RIN2: variants seen among roughly 807,000 people sequenced by gnomAD.
RIN2 encodes Ras and Rab interactor 2.
A neutral mutation model predicts 78.0 loss-of-function variants in RIN2; 36 were observed. That is an observed-to-expected ratio of 0.46 (90% CI 0.35 to 0.61). RIN2 has a LOEUF of 0.61. Ranked by LOEUF, RIN2 falls within the 20% of genes least tolerant of loss-of-function variation. The pLI is 0.00. For missense variants in RIN2, 1,087 were observed against 1,159.7 expected (o/e 0.94, Z 0.91); for synonymous variants, 466 against 466.8 (o/e 1.00, Z 0.02).
Position 19,996,444 on chromosome 20 carries a change from T to C in RIN2, c.2201-235T>C, listed in dbSNP as rs375625898. On this transcript the variant is annotated intron_variant, in intron 11 of 12. Transcript: ENST00000255006. ...GTCAGCCTGGCTTGTCTGTGCCCCCTTGGCCCCTCCCAGGCCTGGGTCGCT... is the reference window on the plus strand; with the variant it reads ...GTCAGCCTGGCTTGTCTGTGCCCCCCTGGCCCCTCCCAGGCCTGGGTCGCT... Among the ~76,000 whole-genome samples the C allele has an allele frequency of 4.4e-3, 669 of 152,316 alleles. 11 individuals are homozygous for C. The South Asian group carries it at 0.058, about 13-fold the overall frequency.
At chr20:19,774,141 T>G (rs2034231638) in intron 1 of RIN2, among the ~76,000 whole-genome samples, 1 of 151,970 alleles carries the variant, frequency 6.6e-6, no homozygotes. Context: ...TCACAGGGAA[T>G]TTTTCAAGAC....
intron 2 of RIN2, among the ~76,000 whole-genome samples, chr20:19,814,382 C>G (rs1332032228): frequency 6.6e-6 from 1 of 151,976 alleles, no homozygotes; most frequent in Non-Finnish European, 1.5e-5. Flanking sequence ...TCCTCCCACC[C>G]CCTCCCCAGT....
rs779896204 is a variant in RIN2 at position 19,975,390 on chromosome 20, G to A, written c.1365G>A (p.Ala455=). ...DRSMPLFGYE[A]DTNSSLEDYE... ...GCATGCCTCTGTTTGGCTACGAGGC[G>A]GACACCAACAGCAGCCTGGAGGACT... Residue 455 remains alanine, a synonymous_variant, in exon 9 of 13, where the codon GCG becomes GCA. Transcript: ENST00000255006. This position sits in a 1 kb window ranked among gnomAD's most constrained non-coding sequence, Gnocchi z 4.9. The A allele has an allele frequency of 1.2e-5, 19 of 1,613,866 alleles. No individual in the cohort carries two copies. The highest frequency in any genetic ancestry group is 1.1e-5 in the Non-Finnish European group (13 of 1,179,872).
intron 2 of RIN2, among the ~76,000 whole-genome samples, chr20:19,862,619 A>C (rs974094233): frequency 6.0e-5 from 9 of 149,432 alleles, no homozygotes; most frequent in African/African-American, 2.1e-4. Context: ...CAAACAAACA[A>C]ACAAGCAAAA....
intron 4 of RIN2, among the ~76,000 whole-genome samples, chr20:19,952,351 C>A (rs756738379): frequency 6.6e-6 from 1 of 152,164 alleles, no homozygotes; most frequent in African/African-American, 2.4e-5. Flanking sequence ...AGAGGAGGGG[C>A]TCTAGGTGGA....
intron 3 of RIN2, among the ~76,000 whole-genome samples, chr20:19,903,454 T>C (rs1321382874): frequency 6.6e-6 from 1 of 152,186 alleles, no homozygotes; most frequent in Non-Finnish European, 1.5e-5. Context: ...GCCAGGGGTG[T>C]TTCTTCCTTT....
chr20:19,806,493 A>G (rs956380333), intron 2 of RIN2, among the ~76,000 whole-genome samples: 3 of 152,198 alleles, frequency 2.0e-5, no homozygotes, highest in Non-Finnish European at 4.4e-5. Context: ...CCATTTTTCC[A>G]GGGAAGGAAA....
At chr20:19,874,064 G>A (rs1040621520) in intron 2 of RIN2, among the ~76,000 whole-genome samples, 29 of 19,046 alleles carry the variant, frequency 1.5e-3, no homozygotes, top group African/African-American at 3.8e-3. Flanking sequence ...ACATTTTGGT[G>A]TGTGTGTGTG....
intron 2 of RIN2, among the ~76,000 whole-genome samples, chr20:19,854,026 G>C (rs1382620647): frequency 6.6e-6 from 1 of 152,206 alleles, no homozygotes; most frequent in Non-Finnish European, 1.5e-5. Flanking sequence ...TAACCTTTAA[G>C]TCTTTAATCC....
chr20:19,965,071 T>C lies in RIN2; in HGVS notation c.536+47T>C, dbSNP rs1408574017. 4.1e-6 allele frequency: 6 copies of C among 1,477,286 alleles called. No individual in the cohort carries two copies. In the Admixed American group the frequency reaches 1.0e-4, roughly 25 times the overall value. 91.5% of individuals were successfully genotyped at this position (1,477,286 alleles called of 1,614,324 possible). A position where few individuals can be genotyped will look rare whatever the true frequency, so the allele number is the denominator to read the frequency against. Reference sequence around the variant, plus strand: ...TGGTTTCAAGGCCCTGTTTGGTGTGTGGGATATAATTAACCTGAGGTTTCT... The same window carrying C: ...TGGTTTCAAGGCCCTGTTTGGTGTGCGGGATATAATTAACCTGAGGTTTCT... On this transcript the variant is annotated intron_variant, in intron 7 of 12. Coordinates refer to ENST00000255006, the MANE Select transcript of RIN2 (RefSeq NM_018993.4).
At chr20:19,872,159 C>T (rs2037709441) in intron 2 of RIN2, 2 of 152,176 alleles carry the variant, frequency 1.3e-5, no homozygotes, top group East Asian at 1.9e-4. Flanking sequence ...CTTTTTCACT[C>T]GTCTCTCTCC....
chr20:19,861,792 T>C (rs1438605670), intron 2 of RIN2, among the ~76,000 whole-genome samples: 1 of 151,212 alleles, frequency 6.6e-6, no homozygotes, highest in African/African-American at 2.4e-5. Context: ...TATCTGATGA[T>C]CACCCTCCAT....
intron 4 of RIN2, among the ~76,000 whole-genome samples, chr20:19,952,022 A>G (rs1312871577): frequency 1.3e-5 from 2 of 152,184 alleles, no homozygotes; most frequent in East Asian, 3.8e-4. Context: ...CTTCTTGTGC[A>G]AGTGATTCAG....
At chr20:19,903,936 G>A (rs1246860247) in intron 3 of RIN2, among the ~76,000 whole-genome samples, 4 of 152,134 alleles carry the variant, frequency 2.6e-5, no homozygotes, top group East Asian at 1.9e-4. Flanking sequence ...TACCTGGCCG[G>A]TAATTGCAGG....
chr20:19,892,739 C>A (rs2038536348), intron 3 of RIN2, among the ~76,000 whole-genome samples: 1 of 152,208 alleles, frequency 6.6e-6, no homozygotes, highest in Non-Finnish European at 1.5e-5. Flanking sequence ...TAATTAGTCA[C>A]CAATATTCAC....
intron 1 of RIN2, among the ~76,000 whole-genome samples, chr20:19,760,171 G>A (rs17370106): frequency 6.6e-6 from 1 of 152,212 alleles, no homozygotes; most frequent in Non-Finnish European, 1.5e-5. Flanking sequence ...GGCACCTCCA[G>A]AGAGAGCATC....
Position 19,882,271 on chromosome 20 carries a change from A to G in RIN2, c.-36-7295A>G, listed in dbSNP as rs115923339. Among the ~76,000 whole-genome samples the G allele has an allele frequency of 2.1e-3, 324 of 152,312 alleles. 2 individuals are homozygous for G. The highest frequency in any genetic ancestry group is 7.3e-3 in the African/African-American group (302 of 41,576). ...ATAATGAAAACAGCCAACACCTCAC[A>G]GAGCAGGAATCTTAAACAGTAAAGT... is the stretch of plus-strand genomic sequence containing the variant. On this transcript the variant is annotated intron_variant, in intron 2 of 12. Coordinates refer to ENST00000255006, the MANE Select transcript of RIN2 (RefSeq NM_018993.4).
At chr20:19,886,807 C>A in intron 2 of RIN2, 2 of 1,374,506 alleles carry the variant, frequency 1.5e-6, no homozygotes, top group Non-Finnish European at 2.0e-6. Flanking sequence ...TTAGTCTAGC[C>A]TGTTACTGGG....
chr20:19,767,649 C>T (rs977278173), intron 1 of RIN2, among the ~76,000 whole-genome samples: 2 of 151,962 alleles, frequency 1.3e-5, no homozygotes, highest in African/African-American at 2.4e-5. Flanking sequence ...CCTGGCCAGG[C>T]GTGGTGGCTC....
Sources: allele counts gnomAD v4.1 joint callset (sites outside exome capture counted in the v4.1 genomes callset), GRCh38; gene constraint gnomAD v4.1.1; non-coding constraint Gnocchi (gnomAD v3.1); transcripts MANE v1.5; gene names NCBI Gene and HGNC (gene_info 2026-07-23, HGNC 2026-07-21).